The following ACTN1 variants were observed in gnomAD, a reference collection of about 807,000 sequenced individuals.
ACTN1 encodes the protein alpha-actinin-1.
In ACTN1, 30 loss-of-function variants were observed where a neutral mutation model predicts 119.6. That is an observed-to-expected ratio of 0.25 (90% CI 0.19 to 0.34). The LOEUF is 0.34. Ranked by LOEUF, ACTN1 falls within the 10% of genes least tolerant of loss-of-function variation. ACTN1 has a pLI of 1.00. For synonymous variants in ACTN1, 429 were observed against 472.6 expected (o/e 0.91, Z 1.20); for missense variants, 764 against 1,223.4 (o/e 0.62, Z 5.60).
At chr14:68,920,079 C>A (rs192628557) in intron 3 of ACTN1, among the ~76,000 whole-genome samples, 36 of 152,358 alleles carry the variant, frequency 2.4e-4, no homozygotes, top group Non-Finnish European at 5.9e-5. Flanking sequence ...TCTGGTGTCA[C>A]GAAGACCTGC....
chr14:68,878,042 T>G lies in ACTN1; in HGVS notation c.2427+416A>C. 1 of 183,276 alleles carries G rather than the reference T, an allele frequency of 5.5e-6. No individual in the cohort carries two copies. The highest frequency in any genetic ancestry group is 5.5e-5 in the Admixed American group (1 of 18,322). The allele number at this position is 183,276 out of a possible 1,614,324, so 11.4% of individuals were successfully genotyped here. On this transcript the variant is annotated intron_variant, in intron 20 of 21. Transcript: ENST00000394419. This position sits in a 1 kb window ranked among gnomAD's most constrained non-coding sequence, Gnocchi z 4.4. ...GGGGGTGGGGGACGGCCTGGGACAA[T>G]CCAGAGGGGCGGCAGGCCCAACCAG...
intron 8 of ACTN1, among the ~76,000 whole-genome samples, chr14:68,899,979 A>G (rs1416321278): frequency 6.6e-6 from 1 of 152,080 alleles, no homozygotes; most frequent in Non-Finnish European, 1.5e-5. Flanking sequence ...AGATGTGGGA[A>G]GGACAAAGAG....
rs1165793221 is a variant in ACTN1 at position 68,979,060 on chromosome 14, G to A, written c.-4C>T. 1.9e-6 allele frequency: 3 copies of A among 1,578,578 alleles called. No homozygotes were observed. Among genetic ancestry groups the A allele is most frequent in the Middle Eastern group, 3.4e-4 (2 of 5,962 alleles). ...GCTGAGAATCATAATGGTCCATGAT[G>A]GTGCGCGCGTGCTAGGGTCTGGATT... On this transcript the variant is annotated 5_prime_UTR_variant, in exon 1 of 22. Transcript: ENST00000394419.
chr14:68,881,315 C>T (rs1013243311), intron 16 of ACTN1, among the ~76,000 whole-genome samples: 20 of 152,110 alleles, frequency 1.3e-4, no homozygotes, highest in African/African-American at 4.8e-4. Context: ...ATTCAAATGC[C>T]CTTTCCCAAG....
At chr14:68,954,481 C>T (rs1462947565) in intron 1 of ACTN1, among the ~76,000 whole-genome samples, 2 of 152,148 alleles carry the variant, frequency 1.3e-5, no homozygotes, top group Admixed American at 1.3e-4. Flanking sequence ...GCACCCGCCA[C>T]CGAACCGAGC....
intron 1 of ACTN1, among the ~76,000 whole-genome samples, chr14:68,961,318 C>T (rs1041887883): frequency 3.3e-5 from 5 of 152,084 alleles, no homozygotes; most frequent in African/African-American, 9.7e-5. Flanking sequence ...CTATGATTAC[C>T]GCTATCAGAA....
Position 68,885,344 on chromosome 14 carries a change from C to T in ACTN1, c.1385+81G>A. The T allele has an allele frequency of 1.3e-6, 2 of 1,503,778 alleles. No homozygotes were observed. The highest frequency in any genetic ancestry group is 1.8e-6 in the Non-Finnish European group (2 of 1,124,450). 93.2% of individuals were successfully genotyped at this position (1,503,778 alleles called of 1,614,324 possible). A position where few individuals can be genotyped will look rare whatever the true frequency, so the allele number is the denominator to read the frequency against. ...ACCCACCCTCCCCATCTTCCACGGC[C>T]ACACCCCCACCTCCCCCAGCAGCTG... is the stretch of plus-strand genomic sequence containing the variant. On this transcript the variant is annotated intron_variant, in intron 12 of 21. Transcript: ENST00000394419. This position sits in a 1 kb window ranked among gnomAD's most constrained non-coding sequence, Gnocchi z 5.6.
At chr14:68,876,731 G>A (rs1050328369) in intron 21 of ACTN1, among the ~76,000 whole-genome samples, 4 of 152,226 alleles carry the variant, frequency 2.6e-5, no homozygotes, top group Admixed American at 1.3e-4. Context: ...GCCGATGCGC[G>A]GGATGAGACC....
chr14:68,882,740 T>C lies in ACTN1; in HGVS notation c.1818+133A>G. The C allele has an allele frequency of 2.0e-6, 3 of 1,507,940 alleles. No individual in the cohort carries two copies. The highest frequency in any genetic ancestry group is 2.7e-6 in the Non-Finnish European group (3 of 1,110,092). The allele number at this position is 1,507,940 out of a possible 1,614,324, so 93.4% of individuals were successfully genotyped here. A position where few individuals can be genotyped will look rare whatever the true frequency, so the allele number is the denominator to read the frequency against. On this transcript the variant is annotated intron_variant, in intron 15 of 21. Coordinates refer to ENST00000394419, the MANE Select transcript of ACTN1 (RefSeq NM_001130004.2). This position sits in a 1 kb window ranked among gnomAD's most constrained non-coding sequence, Gnocchi z 4.5. ...CAACCTGTTCTGGAAACCCAGTCAT[T>C]TGACATTTGGACAAACAATGAGTGT...
intron 11 of ACTN1, chr14:68,888,261 A>G (rs547195244): frequency 1.2e-5 from 4 of 338,584 alleles, no homozygotes; most frequent in Non-Finnish European, 2.3e-5. Flanking sequence ...AACTGAATAC[A>G]TGTGGCCAAA....
chr14:68,957,876 G>C (rs528173690), intron 1 of ACTN1, among the ~76,000 whole-genome samples: 1 of 152,272 alleles, frequency 6.6e-6, no homozygotes, highest in African/African-American at 2.4e-5. Context: ...AGTGAGAGAC[G>C]GCAGGTTTAG....
At chr14:68,911,776 T>C (rs1302281468) in intron 4 of ACTN1, among the ~76,000 whole-genome samples, 1 of 152,172 alleles carries the variant, frequency 6.6e-6, no homozygotes. Context: ...AAATGGCCAC[T>C]AGAGGGTGCT....
intron 1 of ACTN1, among the ~76,000 whole-genome samples, chr14:68,937,838 C>G (rs1220440139): frequency 6.6e-6 from 1 of 152,160 alleles, no homozygotes; most frequent in East Asian, 1.9e-4. Context: ...CAAGCCAGCC[C>G]CCTGCTGTGT....
chr14:68,974,104 C>T (rs1181851925), intron 1 of ACTN1: 5 of 152,872 alleles, frequency 3.3e-5, no homozygotes, highest in Admixed American at 2.6e-4. Context: ...ATACCAAGTC[C>T]AGGAAAACCA....
intron 1 of ACTN1, among the ~76,000 whole-genome samples, chr14:68,975,782 C>T (rs555791840): frequency 4.6e-5 from 7 of 152,272 alleles, no homozygotes; most frequent in South Asian, 2.1e-4. Flanking sequence ...GGAGGCATGG[C>T]GACCAGCCCA....
chr14:68,885,387 C>A lies in ACTN1; in HGVS notation c.1385+38G>T. On this transcript the variant is annotated intron_variant, in intron 12 of 21. Transcript: ENST00000394419. The surrounding 1 kb of genome is among the most constrained non-coding windows in gnomAD (Gnocchi z 5.6). ...AGCAGCTGAGAAAGCCCAGCCTCAG[C>A]CCCTCACCACAGGGTAGGGGTGTCT... 1 of 1,575,202 alleles carries A rather than the reference C, an allele frequency of 6.3e-7. No homozygotes were observed. Among genetic ancestry groups the A allele is most frequent in the South Asian group, 1.1e-5 (1 of 87,782 alleles).
intron 3 of ACTN1, among the ~76,000 whole-genome samples, chr14:68,916,887 G>A (rs1043482926): frequency 1.3e-5 from 2 of 151,988 alleles, no homozygotes; most frequent in African/African-American, 2.4e-5. Context: ...GTATTCAGAC[G>A]GCAGAATGAA....
At position 68,909,255 on chromosome 14, in the gene ACTN1, C is replaced by G; in HGVS notation, c.594+63G>C. 1 of 1,519,166 alleles carries G rather than the reference C, an allele frequency of 6.6e-7. No individual in the cohort carries two copies. The highest frequency in any genetic ancestry group is 9.1e-7 in the Non-Finnish European group (1 of 1,096,286). 94.1% of individuals were successfully genotyped at this position (1,519,166 alleles called of 1,614,324 possible). ...GGACTGTCACAACAAGGGTCCTAGT[C>G]CTGCTCTTTTCCCACCCCACCTGCC... is the stretch of plus-strand genomic sequence containing the variant. On this transcript the variant is annotated intron_variant, in intron 6 of 21. Coordinates refer to ENST00000394419, the MANE Select transcript of ACTN1 (RefSeq NM_001130004.2). This position sits in a 1 kb window ranked among gnomAD's most constrained non-coding sequence, Gnocchi z 4.1.
rs942870092 is a variant in ACTN1, at chr14:68,885,340, C to A, written c.1385+85G>T. Reference sequence around the variant, plus strand: ...CTGTACCCACCCTCCCCATCTTCCACGGCCACACCCCCACCTCCCCCAGCA... The same window carrying A: ...CTGTACCCACCCTCCCCATCTTCCAAGGCCACACCCCCACCTCCCCCAGCA... On this transcript the variant is annotated intron_variant, in intron 12 of 21. Coordinates refer to ENST00000394419, the MANE Select transcript of ACTN1 (RefSeq NM_001130004.2). The surrounding 1 kb of genome is among the most constrained non-coding windows in gnomAD (Gnocchi z 5.6). 2.7e-6 allele frequency: 4 copies of A among 1,461,384 alleles called. No individual in the cohort carries two copies. Among genetic ancestry groups the A allele is most frequent in the Non-Finnish European group, 2.7e-6 (3 of 1,097,260 alleles). 90.5% of individuals were successfully genotyped at this position (1,461,384 alleles called of 1,614,324 possible).
Sources: gnomAD v4.1 joint callset for allele counts (sites outside exome capture counted in the v4.1 genomes callset) on GRCh38, gnomAD v4.1.1 for gene constraint, Gnocchi (gnomAD v3.1) non-coding constraint, MANE v1.5 for transcripts, NCBI Gene and HGNC (gene_info 2026-07-23, HGNC 2026-07-21) for gene names.